ARID1B: variants seen among roughly 807,000 people sequenced by gnomAD.
ARID1B encodes AT-rich interaction domain 1B.
In ARID1B, 30 loss-of-function variants were observed where a neutral mutation model predicts 212.3. The ratio of observed to expected loss-of-function variants is 0.14; its 90% CI spans 0.11 to 0.19. The LOEUF (loss-of-function observed/expected upper bound fraction) is 0.19, where lower values mean the gene tolerates loss of function less well. Among genes scored for constraint, ARID1B ranks in the 10% least tolerant of loss-of-function variants. ARID1B has a pLI of 1.00. For synonymous variants in ARID1B, 1,402 were observed against 1,301.7 expected (o/e 1.08, Z -1.66); for missense variants, 2,891 against 3,204.0 (o/e 0.90, Z 2.36).
At chr6:156,993,358 G>T (rs1446321850) in intron 4 of ARID1B, among the ~76,000 whole-genome samples, 1 of 152,138 alleles carries the variant, frequency 6.6e-6, no homozygotes, top group Non-Finnish European at 1.5e-5. Context: ...TATCTAATGA[G>T]ACCTACATTC....
intron 2 of ARID1B, among the ~76,000 whole-genome samples, chr6:156,843,504 A>T (rs898350703): frequency 2.6e-5 from 4 of 151,984 alleles, no homozygotes; most frequent in Non-Finnish European, 5.9e-5. Flanking sequence ...CTGCAAAGAG[A>T]TATGCTGAGT....
intron 4 of ARID1B, among the ~76,000 whole-genome samples, chr6:157,077,938 T>A (rs11969586): frequency 2.0e-5 from 3 of 152,182 alleles, no homozygotes. Context: ...ATTCAGTATC[T>A]CACTTTTTTA....
intron 16 of ARID1B, among the ~76,000 whole-genome samples, chr6:157,198,065 A>G (rs1373846214): frequency 6.6e-6 from 1 of 152,188 alleles, no homozygotes; most frequent in Admixed American, 6.5e-5. Context: ...GTATTTTTCA[A>G]AGTTCCAAAT....
intron 5 of ARID1B, among the ~76,000 whole-genome samples, chr6:157,102,513 A>G (rs1273243886): frequency 3.3e-5 from 5 of 151,442 alleles, no homozygotes; most frequent in Admixed American, 6.6e-5. Flanking sequence ...CCCTTTAAAT[A>G]TGGAAGAATG....
At chr6:156,889,009 T>C (rs1008589818) in intron 2 of ARID1B, among the ~76,000 whole-genome samples, 1 of 152,166 alleles carries the variant, frequency 6.6e-6, no homozygotes, top group Admixed American at 6.5e-5. Context: ...AAAAATTTTT[T>C]CCTGTTTTAT....
At position 157,206,915 on chromosome 6, in the gene ARID1B, G is replaced by A. The variant is rs1794503645; in HGVS notation, c.6143G>A (p.Ser2048Asn). The change falls in exon 20 of 20, where the codon AGC (serine) becomes AAC (asparagine). Residue 2048 changes from serine (S) to asparagine (N), a missense_variant. Physicochemically the swap from Ser to Asn is conservative, Grantham distance 46 (BLOSUM62 1). Coordinates refer to ENST00000636930, the MANE Select transcript of ARID1B (RefSeq NM_001374828.1). This position sits in a 1 kb window ranked among gnomAD's most constrained non-coding sequence, Gnocchi z 6.8. ...NIKLLEDEPR[S>N]RDETPLCTIA... The stretch of plus-strand genomic sequence containing the variant: ...AAGCTGCTGGAGGACGAGCCCAGGA[G>A]CCGAGACGAGACTCCTCTGTGTACC... 1.2e-6 allele frequency: 2 copies of A among 1,614,232 alleles called. No homozygotes were observed. Among genetic ancestry groups the A allele is most frequent in the East Asian group, 2.2e-5 (1 of 44,882 alleles).
intron 3 of ARID1B, among the ~76,000 whole-genome samples, chr6:156,914,795 T>G (rs1443022406): frequency 6.6e-6 from 1 of 152,200 alleles, no homozygotes; most frequent in Non-Finnish European, 1.5e-5. Flanking sequence ...TCCACAAACC[T>G]GCCCTGTCTA....
At chr6:157,098,556 G>A (rs534179413) in intron 5 of ARID1B, among the ~76,000 whole-genome samples, 1 of 152,348 alleles carries the variant, frequency 6.6e-6, no homozygotes, top group African/African-American at 2.4e-5. Context: ...GACTTTCACA[G>A]GGGATGCCTC....
At chr6:156,976,402 G>A in intron 4 of ARID1B, 1 of 169,630 alleles carries the variant, frequency 5.9e-6, no homozygotes, top group South Asian at 1.4e-4. Flanking sequence ...GATGCAGCAC[G>A]GATTATGCGG....
intron 3 of ARID1B, among the ~76,000 whole-genome samples, chr6:156,934,212 G>A (rs1475943504): frequency 6.6e-6 from 1 of 152,032 alleles, no homozygotes; most frequent in East Asian, 1.9e-4. Context: ...TCAACTTTCA[G>A]TGCCAATTGA....
chr6:156,860,543 A>G (rs1423038572), intron 2 of ARID1B, among the ~76,000 whole-genome samples: 1 of 152,198 alleles, frequency 6.6e-6, no homozygotes, highest in East Asian at 1.9e-4. Flanking sequence ...ACTATACTCT[A>G]GAACTGTAAA....
chr6:156,822,465 C>T (rs574248298), intron 1 of ARID1B, among the ~76,000 whole-genome samples: 1 of 152,322 alleles, frequency 6.6e-6, no homozygotes, highest in South Asian at 2.1e-4. Context: ...TACCGTGAGC[C>T]TCCTTTGTGT....
intron 2 of ARID1B, among the ~76,000 whole-genome samples, chr6:156,838,719 A>ATAATAATAC (rs1783682980): frequency 6.7e-6 from 1 of 149,780 alleles, no homozygotes; most frequent in South Asian, 2.1e-4. Context: ...TATAATAATA[A>ATAATAATAC]TAATAATAAT....
chr6:156,872,395 C>G (rs542101782), intron 2 of ARID1B, among the ~76,000 whole-genome samples: 18 of 152,178 alleles, frequency 1.2e-4, no homozygotes, highest in Non-Finnish European at 2.2e-4. Flanking sequence ...GATCTTGGCT[C>G]ACTGCGAGCT....
At position 157,200,561 on chromosome 6, in the gene ARID1B, TGTTA is replaced by T. The variant is rs1794023128; in HGVS notation, c.4480-140_4480-137del. ...TAATACTGAAATATTGAACATAAAT[TGTTA>T]GTTCTCTGTTGTTATAGGAGCTTCC... On this transcript the variant is annotated intron_variant, in intron 17 of 19. Coordinates refer to ENST00000636930, the MANE Select transcript of ARID1B (RefSeq NM_001374828.1). The surrounding 1 kb of genome is among the most constrained non-coding windows in gnomAD (Gnocchi z 4.3). The T allele has an allele frequency of 1.1e-6, 1 of 869,682 alleles. No individual in the cohort carries two copies. The highest frequency in any genetic ancestry group is 1.7e-6 in the Non-Finnish European group (1 of 583,090). 53.9% of individuals were successfully genotyped at this position (869,682 alleles called of 1,614,324 possible). A position where few individuals can be genotyped will look rare whatever the true frequency, so the allele number is the denominator to read the frequency against.
chr6:157,160,169 G>A (rs1399329811), intron 8 of ARID1B, among the ~76,000 whole-genome samples: 5 of 152,158 alleles, frequency 3.3e-5, no homozygotes, highest in African/African-American at 1.2e-4. Context: ...TATATAGAGG[G>A]TTCCTGCATA....
At chr6:157,075,901 C>CAA (rs1784273966) in intron 4 of ARID1B, among the ~76,000 whole-genome samples, 1 of 152,156 alleles carries the variant, frequency 6.6e-6, no homozygotes, top group Non-Finnish European at 1.5e-5. Context: ...GCTAAGGAGA[C>CAA]ACGGCGAGTC....
chr6:157,199,031 C>A, intron 17 of ARID1B, 124 bp downstream of exon 17: 1 of 805,716 alleles, frequency 1.2e-6, no homozygotes, highest in Non-Finnish European at 1.9e-6. Context: ...GTTTGTTGAG[C>A]ATTCAGGATA....
In ARID1B at chr6:157,148,047, A is replaced by G. The variant is rs1789927678; in HGVS notation, c.2762-577A>G. Among the ~76,000 whole-genome samples the G allele has an allele frequency of 6.6e-6, 1 of 151,086 alleles. No individual in the cohort carries two copies. The highest frequency in any genetic ancestry group is 2.1e-4 in the South Asian group (1 of 4,714). On this transcript the variant is annotated intron_variant, in intron 7 of 19. Transcript: ENST00000636930. This position sits in a 1 kb window ranked among gnomAD's most constrained non-coding sequence, Gnocchi z 5.6. ...CTGCTCGATCTGGTACTCAAGCAAA[A>G]AAAGAAAGAAAGAAAGAAAAATATT...
Sources: gnomAD v4.1 joint callset for allele counts (sites outside exome capture counted in the v4.1 genomes callset) on GRCh38, gnomAD v4.1.1 for gene constraint, Gnocchi (gnomAD v3.1) non-coding constraint, MANE v1.5 for transcripts, NCBI Gene and HGNC (gene_info 2026-07-23, HGNC 2026-07-21) for gene names.